Variants in CCDC88C observed in about 807,000 individuals in gnomAD.
CCDC88C encodes coiled-coil and HOOK domain protein 88C.
A neutral mutation model predicts 198.8 loss-of-function variants in CCDC88C; 131 were observed. The ratio of observed to expected loss-of-function variants is 0.66; its 90% CI spans 0.57 to 0.76. The LOEUF (loss-of-function observed/expected upper bound fraction) is 0.76, where lower values mean the gene tolerates loss of function less well. CCDC88C is among the 30% of genes least tolerant of loss of function. CCDC88C has a pLI of 0.00. For missense variants in CCDC88C, 2,553 were observed against 2,631.6 expected (o/e 0.97, Z 0.65); for synonymous variants, 1,166 against 1,114.7 (o/e 1.05, Z -0.92).
intron 3 of CCDC88C, among the ~76,000 whole-genome samples, chr14:91,370,529 G>A (rs1170564447): frequency 6.6e-6 from 1 of 152,226 alleles, no homozygotes; most frequent in Non-Finnish European, 1.5e-5. Flanking sequence ...CTGAGCCCCT[G>A]AGCCAAAGAA....
chr14:91,369,559 T>C (rs1285816), intron 3 of CCDC88C, among the ~76,000 whole-genome samples: 62,048 of 151,860 alleles, frequency 0.41, 13,169 homozygotes, highest in African/African-American at 0.5. Context: ...CTCTGGAACA[T>C]AGCACATTTT....
At chr14:91,390,819 T>C (rs550681140) in intron 3 of CCDC88C, among the ~76,000 whole-genome samples, 28 of 152,210 alleles carry the variant, frequency 1.8e-4, no homozygotes, top group African/African-American at 6.5e-4. Context: ...TGGTCTCCCA[T>C]CACCTATCAG....
At chr14:91,372,539 G>A (rs1205399672) in intron 3 of CCDC88C, among the ~76,000 whole-genome samples, 9 of 92,874 alleles carry the variant, frequency 9.7e-5, no homozygotes, top group Non-Finnish European at 1.7e-4. Flanking sequence ...GGGGGGGGGC[G>A]GGCGGGGGGG....
rs751374908 is a variant in CCDC88C at position 91,285,429 on chromosome 14, C to T, written c.4442-1912G>A. The T allele has an allele frequency of 1.3e-4, 53 of 418,238 alleles. 1 individual carries two copies. Among genetic ancestry groups the T allele is most frequent in the South Asian group, 6.2e-4 (39 of 63,096 alleles). The allele number at this position is 418,238 out of a possible 1,614,324, so 25.9% of individuals were successfully genotyped here. On this transcript the variant is annotated intron_variant, in intron 25 of 29. Coordinates refer to ENST00000389857, the MANE Select transcript of CCDC88C (RefSeq NM_001080414.4). The stretch of plus-strand genomic sequence containing the variant: ...ACATCCTGGCCCAAGGACATGTGCA[C>T]GTATATCCTGAGGCTCCCCCTAAAA...
chr14:91,320,917 C>A (rs1379320316), intron 13 of CCDC88C, among the ~76,000 whole-genome samples: 1 of 152,200 alleles, frequency 6.6e-6, no homozygotes, highest in East Asian at 1.9e-4. Context: ...AGGGACAGGG[C>A]CACGCCTCCT....
chr14:91,383,542 G>T (rs1487325157), intron 3 of CCDC88C, among the ~76,000 whole-genome samples: 1 of 152,154 alleles, frequency 6.6e-6, no homozygotes, highest in Non-Finnish European at 1.5e-5. Flanking sequence ...CTCGGAGGTC[G>T]CCAGGCACTT....
intron 3 of CCDC88C, among the ~76,000 whole-genome samples, chr14:91,397,129 G>A (rs898972385): frequency 3.9e-5 from 6 of 152,166 alleles, no homozygotes; most frequent in African/African-American, 1.4e-4. Flanking sequence ...GGGAGGGAGA[G>A]GGGCCTGGGG....
At chr14:91,377,672 A>T (rs1007396678) in intron 3 of CCDC88C, among the ~76,000 whole-genome samples, 6 of 152,206 alleles carry the variant, frequency 3.9e-5, no homozygotes, top group African/African-American at 1.4e-4. Flanking sequence ...CCTGAGAATT[A>T]TGTTCATCTG....
intron 3 of CCDC88C, chr14:91,378,683 G>A (rs998795559): frequency 1.3e-5 from 2 of 152,294 alleles, no homozygotes; most frequent in Non-Finnish European, 2.9e-5. Context: ...TTTTCCTAGA[G>A]AGTACAGTCA....
chr14:91,296,402 G>A (rs560801141), intron 22 of CCDC88C, among the ~76,000 whole-genome samples: 4 of 152,174 alleles, frequency 2.6e-5, no homozygotes, highest in South Asian at 4.1e-4. Context: ...CGGGGCCTGC[G>A]CTGCAGCCCC....
chr14:91,395,825 C>T (rs1885806421), intron 3 of CCDC88C, among the ~76,000 whole-genome samples: 1 of 152,164 alleles, frequency 6.6e-6, no homozygotes, highest in Non-Finnish European at 1.5e-5. Context: ...AACCCTTAGC[C>T]TCCCCGAAAC....
intron 3 of CCDC88C, among the ~76,000 whole-genome samples, chr14:91,376,394 G>A (rs116618867): frequency 0.017 from 2,552 of 152,120 alleles, 81 homozygotes; most frequent in African/African-American, 0.059. Flanking sequence ...GTGAGCCCCC[G>A]TCCCCTCAAG....
intron 12 of CCDC88C, 94 bp downstream of exon 12, chr14:91,324,685 G>C (rs1892508751): frequency 1.4e-6 from 2 of 1,440,996 alleles, no homozygotes; most frequent in African/African-American, 1.4e-5. Context: ...TGAATGGATG[G>C]GCTAACATGG....
chr14:91,380,497 G>A (rs1884723187), intron 3 of CCDC88C, among the ~76,000 whole-genome samples: 1 of 152,116 alleles, frequency 6.6e-6, no homozygotes, highest in Admixed American at 6.5e-5. Context: ...AAAGCAGACA[G>A]TACAATAAGC....
At chr14:91,388,549 G>C (rs1000338229) in intron 3 of CCDC88C, among the ~76,000 whole-genome samples, 1 of 152,208 alleles carries the variant, frequency 6.6e-6, no homozygotes, top group Non-Finnish European at 1.5e-5. Flanking sequence ...TAGCAGCCTT[G>C]AGCAGACGGT....
intron 14 of CCDC88C, among the ~76,000 whole-genome samples, chr14:91,314,940 C>T (rs1057372830): frequency 3.3e-5 from 5 of 152,160 alleles, no homozygotes; most frequent in Admixed American, 6.5e-5. Context: ...AGTTCGAGAC[C>T]GGCCTGGGCA....
rs900124423 is a variant in CCDC88C at position 91,272,216 on chromosome 14, C to T, written c.*409G>A. ...GAGAGGGAGTGGGCTTTCTGACCCG[C>T]CAGGCCTGAGCCTCGTAAGCCTGTT... On this transcript the variant is annotated 3_prime_UTR_variant, in exon 30 of 30. Transcript: ENST00000389857. The T allele has an allele frequency of 6.6e-5, 11 of 167,668 alleles. No homozygotes were observed. Among genetic ancestry groups the T allele is most frequent in the African/African-American group, 2.2e-4 (9 of 41,690 alleles). The allele number at this position is 167,668 out of a possible 1,614,324, so 10.4% of individuals were successfully genotyped here.
intron 3 of CCDC88C, among the ~76,000 whole-genome samples, chr14:91,405,786 G>GA (rs941260806): frequency 1.3e-5 from 2 of 151,946 alleles, no homozygotes; most frequent in Admixed American, 6.6e-5. Context: ...AAATTGGAAG[G>GA]AAAAAAAACA....
At chr14:91,328,708 G>A (rs1892677591) in intron 10 of CCDC88C, among the ~76,000 whole-genome samples, 2 of 152,154 alleles carry the variant, frequency 1.3e-5, no homozygotes, top group Admixed American at 1.3e-4. Flanking sequence ...TACACGATGG[G>A]CCTAAAGACA....
Sources: allele counts gnomAD v4.1 joint callset (sites outside exome capture counted in the v4.1 genomes callset), GRCh38; gene constraint gnomAD v4.1.1; transcripts MANE v1.5; gene names NCBI Gene and HGNC (gene_info 2026-07-23, HGNC 2026-07-21).